TMIE: variants seen among roughly 807,000 people sequenced by gnomAD.
TMIE encodes transmembrane inner ear expressed protein.
In TMIE, 14 loss-of-function variants were observed where a neutral mutation model predicts 16.8. That is an observed-to-expected ratio of 0.83 (90% CI 0.55 to 1.30). TMIE has a LOEUF of 1.30. Among genes scored for constraint, TMIE ranks in the 50% most tolerant of loss-of-function variants. TMIE has a pLI of 0.00. For missense variants in TMIE, 204 were observed against 205.9 expected (o/e 0.99, Z 0.06); for synonymous variants, 75 against 87.2 (o/e 0.86, Z 0.78).
chr3:46,699,238 A>G (rs528832053), upstream of TMIE, among the ~76,000 whole-genome samples: 2 of 151,882 alleles, frequency 1.3e-5, no homozygotes, highest in South Asian at 2.1e-4. Flanking sequence ...TCACCCAGCT[A>G]ATTTTGTATT....
intron 2 of TMIE, among the ~76,000 whole-genome samples, chr3:46,706,602 T>TG (rs1396426919): frequency 6.7e-6 from 1 of 148,880 alleles, no homozygotes; most frequent in Non-Finnish European, 1.5e-5. Context: ...AAAAGCAGAG[T>TG]GGGGGGGAAT....
rs1337499824 is a variant in TMIE, at chr3:46,709,393, C to T, written c.361+118C>T. The stretch of plus-strand genomic sequence containing the variant: ...GGTTCAGGGAGGGGCCCCAGCCCTG[C>T]CCCTGGAGACCAGAGCACAGAAATT... On this transcript the variant is annotated intron_variant, in intron 3 of 3. Transcript: ENST00000643606. 13 of 1,592,256 alleles carry T rather than the reference C, an allele frequency of 8.2e-6. No individual in the cohort carries two copies. The African/African-American group carries it at 1.2e-4, about 15-fold the overall frequency.
chr3:46,696,093 C>T (rs570913873), intron 1 of TMIE, among the ~76,000 whole-genome samples: 43 of 152,312 alleles, frequency 2.8e-4, no homozygotes, highest in Middle Eastern at 3.4e-3. Context: ...ACCACTCCCA[C>T]ACCCGCTGCA....
chr3:46,702,230 C>T lies in TMIE; in HGVS notation c.93+650C>T, dbSNP rs554119585. ...AGTCTGACTTGGTCCTGGTGATAAC[C>T]GGGAGCTTTAGAAGGTTTCTGCTCA... On this transcript the variant is annotated intron_variant, in intron 1 of 3. Coordinates refer to ENST00000643606, the MANE Select transcript of TMIE (RefSeq NM_147196.3). Among the ~76,000 whole-genome samples, 3 of 152,080 alleles carry T rather than the reference C, an allele frequency of 2.0e-5. No homozygotes were observed. The South Asian group carries it at 6.2e-4, about 32-fold the overall frequency.
intron 1 of TMIE, among the ~76,000 whole-genome samples, chr3:46,704,650 A>T (rs1289378534): frequency 6.9e-6 from 1 of 144,868 alleles, no homozygotes; most frequent in East Asian, 2.1e-4. Flanking sequence ...CATGTCCCCT[A>T]GACACCCAGG....
intron 1 of TMIE, among the ~76,000 whole-genome samples, chr3:46,696,014 C>G (rs1301496359): frequency 6.6e-6 from 1 of 152,162 alleles, no homozygotes; most frequent in Non-Finnish European, 1.5e-5. Flanking sequence ...AGTCCACCTG[C>G]CTTCAGTCCC....
intron 1 of TMIE, among the ~76,000 whole-genome samples, chr3:46,696,138 G>C (rs552171583): frequency 4.8e-4 from 73 of 152,282 alleles, no homozygotes; most frequent in African/African-American, 1.7e-3. Context: ...GAATGGGTGG[G>C]TCCCTGTGCC....
At chr3:46,696,227 G>A (rs944889054) in intron 1 of TMIE, among the ~76,000 whole-genome samples, 3 of 152,322 alleles carry the variant, frequency 2.0e-5, no homozygotes, top group Middle Eastern at 6.8e-3. Flanking sequence ...GGGTATGCGT[G>A]TGCAGATCAT....
chr3:46,704,306 GC>G (rs1700516533), intron 1 of TMIE, among the ~76,000 whole-genome samples: 3 of 148,486 alleles, frequency 2.0e-5, no homozygotes, highest in African/African-American at 5.0e-5. Flanking sequence ...GACACCCAGG[GC>G]AGGACCATGT....
chr3:46,697,649 G>T (rs6804514), upstream of TMIE, among the ~76,000 whole-genome samples: 2 of 151,918 alleles, frequency 1.3e-5, no homozygotes, highest in Non-Finnish European at 2.9e-5. Flanking sequence ...AGGAACCCCA[G>T]CGTGAAGCCA....
At chr3:46,709,045 G>A (rs1700587943) in intron 2 of TMIE, 81 bp from the exon 3 acceptor site, 1 of 1,579,690 alleles carries the variant, frequency 6.3e-7, no homozygotes, top group African/African-American at 1.3e-5. Flanking sequence ...GTGGATGGGG[G>A]CGGGCCTGAA....
rs140058726 is a variant in TMIE at position 46,706,071 on chromosome 3, C to T, written c.211+164C>T. Reference sequence around the variant, plus strand: ...CACCTCCTGATCCACACAAACTCCCCGTGGAGGGCTGACAGGCCGGTGGTG... The same window carrying T: ...CACCTCCTGATCCACACAAACTCCCTGTGGAGGGCTGACAGGCCGGTGGTG... On this transcript the variant is annotated intron_variant, in intron 2 of 3. Transcript: ENST00000643606. 4.5e-4 allele frequency among the ~76,000 whole-genome samples: 68 copies of T among 152,352 alleles called. No homozygotes were observed. In the East Asian group the frequency reaches 0.013, roughly 29 times the overall value.
intron 2 of TMIE, 86 bp from the exon 3 acceptor site, chr3:46,709,040 T>A (rs1249485899): frequency 3.8e-6 from 6 of 1,567,756 alleles, no homozygotes; most frequent in Admixed American, 1.7e-5. Context: ...TGTGGGTGGA[T>A]GGGGGCGGGC....
At chr3:46,704,809 TC>T (rs1190226111) in intron 1 of TMIE, among the ~76,000 whole-genome samples, 5 of 127,596 alleles carry the variant, frequency 3.9e-5, no homozygotes, top group African/African-American at 1.5e-4. Context: ...GTGAAGCATG[TC>T]CCCTAGACAC....
At chr3:46,700,800 A>C (rs995536185), upstream of TMIE, among the ~76,000 whole-genome samples, 5 of 152,130 alleles carry the variant, frequency 3.3e-5, no homozygotes, top group African/African-American at 9.7e-5. Context: ...CAGGGTCAGA[A>C]AATGGTCCTC....
chr3:46,709,638 G>A lies in TMIE; in HGVS notation c.421G>A (p.Val141Ile). The change falls in exon 4 of 4, where the codon GTA becomes ATA. Residue 141 changes from valine to isoleucine, a missense_variant. Transcript: ENST00000643606. ...KDSVDTVAIK[V>I]EEDEKNEAKK... ...CAGTGTGGACACAGTGGCCATCAAA[G>A]TAGAGGAGGATGAGAAGAATGAGGC... The A allele has an allele frequency of 6.2e-7, 1 of 1,613,942 alleles. No individual in the cohort carries two copies. Among genetic ancestry groups the A allele is most frequent in the Non-Finnish European group, 8.5e-7 (1 of 1,179,916 alleles).
intron 2 of TMIE, 49 bp from the exon 3 acceptor site, chr3:46,709,077 G>A: frequency 6.2e-7 from 1 of 1,612,232 alleles, no homozygotes; most frequent in Non-Finnish European, 8.5e-7. Context: ...GCCATTCCTT[G>A]GGTCTCTGAA....
At chr3:46,695,358 AGT>A (rs1291251379) in intron 1 of TMIE, among the ~76,000 whole-genome samples, 9 of 152,110 alleles carry the variant, frequency 5.9e-5, no homozygotes, top group Admixed American at 5.2e-4. Flanking sequence ...GATCACAGGC[AGT>A]GTGTGGCCTC....
In TMIE at chr3:46,701,954, C is replaced by T. The variant is rs1700483017; in HGVS notation, c.93+374C>T. Among the ~76,000 whole-genome samples, 1 of 152,058 alleles carries T rather than the reference C, an allele frequency of 6.6e-6. No individual in the cohort carries two copies. Among genetic ancestry groups the T allele is most frequent in the Admixed American group, 6.5e-5 (1 of 15,268 alleles). ...TCTCACTGGCAGGGAGGTGCACAGC[C>T]CTGGGTTTCCTGGACCTCTAGTCTG... On this transcript the variant is annotated intron_variant, in intron 1 of 3. Transcript: ENST00000643606. The surrounding 1 kb of genome is among the most constrained non-coding windows in gnomAD (Gnocchi z 4.3).
Sources: allele counts gnomAD v4.1 joint callset (sites outside exome capture counted in the v4.1 genomes callset), GRCh38; gene constraint gnomAD v4.1.1; non-coding constraint Gnocchi (gnomAD v3.1); transcripts MANE v1.5; gene names NCBI Gene and HGNC (gene_info 2026-07-23, HGNC 2026-07-21).